Variants in RILPL2 observed in about 807,000 individuals in gnomAD.
RILPL2 encodes RILP-like protein 2.
RILPL2 carries 19 observed loss-of-function variants against 22.2 expected under a neutral mutation model. The ratio of observed to expected loss-of-function variants is 0.86; its 90% CI spans 0.60 to 1.25. RILPL2 has a LOEUF of 1.25. RILPL2 is among the 50% of genes most tolerant of loss of function. The pLI is 0.00. For missense variants in RILPL2, 243 were observed against 263.6 expected, an observed-to-expected ratio of 0.92 and a Z score of 0.54; for synonymous variants, 123 against 111.6, an observed-to-expected ratio of 1.10 and a Z score of -0.64.
chr12:123,434,569 A>G (rs1029601232), intron 1 of RILPL2, among the ~76,000 whole-genome samples: 2 of 151,162 alleles, frequency 1.3e-5, no homozygotes, highest in Admixed American at 1.3e-4. Context: ...GATTACAGGC[A>G]CCCGCCACCA....
chr12:123,423,915 A>C (rs1223082302), intron 2 of RILPL2, among the ~76,000 whole-genome samples: 1 of 151,904 alleles, frequency 6.6e-6, no homozygotes, highest in Non-Finnish European at 1.5e-5. Flanking sequence ...AGCCTCCCAA[A>C]GTGCTGGGAT....
intron 2 of RILPL2, 51 bp from the exon 3 acceptor site, chr12:123,423,208 T>G: frequency 7.8e-7 from 1 of 1,282,338 alleles, no homozygotes; most frequent in Non-Finnish European, 1.1e-6. Flanking sequence ...AGATCGTTTT[T>G]TTTTTTTTTT....
chr12:123,415,827 T>G lies in RILPL2; in HGVS notation c.*64A>C. 6.5e-7 allele frequency: 1 copy of G among 1,539,504 alleles called. No individual in the cohort carries two copies. Among genetic ancestry groups the G allele is most frequent in the Admixed American group, 1.7e-5 (1 of 59,908 alleles). ...TCTGTGTGGCACAGGGAGGTGGTTT[T>G]GCCAGGCATCTTGGAAGGTTGTCTT... On this transcript the variant is annotated 3_prime_UTR_variant, in exon 4 of 4. Coordinates refer to ENST00000280571, the MANE Select transcript of RILPL2 (RefSeq NM_145058.3).
chr12:123,416,527 TG>T (rs1231962820), intron 3 of RILPL2, among the ~76,000 whole-genome samples: 99 of 149,564 alleles, frequency 6.6e-4, no homozygotes, highest in Middle Eastern at 3.8e-3. Context: ...TAGTCCCAGC[TG>T]CCTCGGGAGG....
chr12:123,417,824 A>G (rs950370071), intron 3 of RILPL2, among the ~76,000 whole-genome samples: 13 of 152,214 alleles, frequency 8.5e-5, no homozygotes, highest in African/African-American at 2.7e-4. Context: ...GCCTCAGGTG[A>G]TCTGCCCGCC....
chr12:123,410,309 C>T (rs1484892471), downstream of RILPL2, among the ~76,000 whole-genome samples: 1 of 152,158 alleles, frequency 6.6e-6, no homozygotes, highest in Non-Finnish European at 1.5e-5. Flanking sequence ...GTCCCTATTA[C>T]CAGCCCAGAT....
chr12:123,428,027 G>A (rs540504693), intron 2 of RILPL2, among the ~76,000 whole-genome samples: 1 of 152,210 alleles, frequency 6.6e-6, no homozygotes, highest in Admixed American at 6.5e-5. Flanking sequence ...TGTTCTCTGA[G>A]AATTCAAAAC....
the RILPL2 span, among the ~76,000 whole-genome samples, chr12:123,410,022 G>C: frequency 6.6e-6 from 1 of 151,952 alleles, no homozygotes; most frequent in African/African-American, 2.4e-5. Flanking sequence ...CACTGCACCC[G>C]GCCACAGTAG....
At chr12:123,422,987 G>A (rs746665150) in intron 3 of RILPL2, 57 bp downstream of exon 3, 33 of 1,284,470 alleles carry the variant, frequency 2.6e-5, no homozygotes, top group African/African-American at 1.9e-4. Flanking sequence ...TCTTGCCCCC[G>A]ACTACTTCCT....
At chr12:123,417,830 C>G (rs1879161412) in intron 3 of RILPL2, among the ~76,000 whole-genome samples, 1 of 152,218 alleles carries the variant, frequency 6.6e-6, no homozygotes, top group Non-Finnish European at 1.5e-5. Flanking sequence ...GGTGATCTGC[C>G]CGCCTTGGCC....
downstream of RILPL2, chr12:123,412,723 T>C (rs1474033066): frequency 6.6e-6 from 1 of 152,160 alleles, no homozygotes; most frequent in East Asian, 1.9e-4. Flanking sequence ...TGAGACAGCA[T>C]CGGAAAGGTA....
intron 2 of RILPL2, among the ~76,000 whole-genome samples, chr12:123,430,021 T>C (rs1352650760): frequency 7.7e-6 from 1 of 129,202 alleles, no homozygotes; most frequent in African/African-American, 3.0e-5. Context: ...GTGGCTAAGG[T>C]GGGAGAATCG....
Position 123,436,120 on chromosome 12 carries a change from C to A in RILPL2, c.301G>T (p.Glu101Ter). Residue 101 changes from glutamate (E) to a stop codon, truncating the protein, a stop_gained, in exon 1 of 4, where the codon GAG (glutamate) becomes TAG (stop). Transcript: ENST00000280571. LOFTEE classifies it high-confidence loss of function. This position sits in a 1 kb window ranked among gnomAD's most constrained non-coding sequence, Gnocchi z 6.7. ...GGAGGGCTCTGTCTCCGCAGCCCCT[C>A]CACCTCCTTCCTGAGGTGGTCCCTC... ...MERDHLRKEV[E>*]GLRRQSPPAS... The A allele has an allele frequency of 6.3e-7, 1 of 1,591,266 alleles. No homozygotes were observed. The highest frequency in any genetic ancestry group is 1.1e-5 in the South Asian group (1 of 87,724).
At chr12:123,409,927 T>C in the RILPL2 span, among the ~76,000 whole-genome samples, 2 of 152,018 alleles carry the variant, frequency 1.3e-5, no homozygotes, top group African/African-American at 4.8e-5. Flanking sequence ...TCTTTCACCA[T>C]GTTGACCAGG....
chr12:123,419,897 G>A (rs934913248), intron 3 of RILPL2, among the ~76,000 whole-genome samples: 30 of 141,588 alleles, frequency 2.1e-4, no homozygotes, highest in Admixed American at 2.0e-3. Context: ...AGGTTAAAGC[G>A]ATTCTCCTGC....
downstream of RILPL2, chr12:123,411,570 T>C (rs1593483767): frequency 9.0e-6 from 1 of 111,720 alleles, no homozygotes; most frequent in Non-Finnish European, 2.1e-5. Context: ...TTTTTTTTTT[T>C]TTTTTGAGAC....
intron 3 of RILPL2, among the ~76,000 whole-genome samples, chr12:123,421,671 CTT>C (rs561071129): frequency 8.1e-5 from 11 of 135,754 alleles, no homozygotes; most frequent in Middle Eastern, 3.8e-3. Context: ...TGGGTTATTC[CTT>C]TTTTTTTTTT....
At chr12:123,426,321 G>C (rs899032988) in intron 2 of RILPL2, among the ~76,000 whole-genome samples, 1 of 151,764 alleles carries the variant, frequency 6.6e-6, no homozygotes, top group Non-Finnish European at 1.5e-5. Flanking sequence ...GCTAATTTTT[G>C]TATTTTTAGT....
chr12:123,409,900 A>G, the RILPL2 span, among the ~76,000 whole-genome samples: 1 of 151,492 alleles, frequency 6.6e-6, no homozygotes, highest in Non-Finnish European at 1.5e-5. Flanking sequence ...ATTTTTTTGT[A>G]TTTTTAGTAG....
Sources: allele counts gnomAD v4.1 joint callset (sites outside exome capture counted in the v4.1 genomes callset), GRCh38; gene constraint gnomAD v4.1.1; non-coding constraint Gnocchi (gnomAD v3.1); transcripts MANE v1.5; gene names NCBI Gene and HGNC (gene_info 2026-07-23, HGNC 2026-07-21).